Variants in RMC1 observed in about 807,000 individuals in gnomAD.
RMC1 encodes regulator of MON1-CCZ1 complex.
Under a neutral mutation model 95.5 loss-of-function variants are expected in RMC1, and 44 were observed. The ratio of observed to expected loss-of-function variants is 0.46; its 90% CI spans 0.36 to 0.59. The LOEUF (loss-of-function observed/expected upper bound fraction) is 0.59. Among genes scored for constraint, RMC1 ranks in the 20% least tolerant of loss-of-function variants. The pLI, the probability that RMC1 is intolerant of heterozygous loss-of-function variation, is 0.00. For synonymous variants in RMC1, 320 were observed against 303.6 expected (o/e 1.05, Z -0.56); for missense variants, 705 against 819.6 (o/e 0.86, Z 1.71).
At chr18:23,516,052 G>C in intron 6 of RMC1, 56 bp downstream of exon 6, 1 of 1,610,936 alleles carries the variant, frequency 6.2e-7, no homozygotes, top group Non-Finnish European at 8.5e-7. Context: ...CCCTGTTCCT[G>C]TAGCATCCTA....
chr18:23,509,356 AAT>A (rs10688887), intron 5 of RMC1, 77 bp downstream of exon 5: 9,188 of 412,764 alleles, frequency 0.022, no homozygotes, highest in Non-Finnish European at 0.026. Flanking sequence ...TTCAGTACTG[AAT>A]ATATATATAT....
chr18:23,505,285 T>A (rs1214888817), intron 2 of RMC1, among the ~76,000 whole-genome samples: 1 of 152,122 alleles, frequency 6.6e-6, no homozygotes, highest in African/African-American at 2.4e-5. Context: ...GGTTTCGAAC[T>A]CCTGACCTCA....
chr18:23,509,142 A>T (rs2068193462), intron 4 of RMC1, 51 bp from the exon 5 acceptor site: 1 of 628,648 alleles, frequency 1.6e-6, no homozygotes, highest in Non-Finnish European at 2.4e-6. Context: ...GAAGAGAGTT[A>T]TATGTGTTTT....
At chr18:23,517,548 T>C (rs1463582975) in intron 7 of RMC1, among the ~76,000 whole-genome samples, 1 of 152,220 alleles carries the variant, frequency 6.6e-6, no homozygotes, top group Non-Finnish European at 1.5e-5. Flanking sequence ...AAAGAACCCC[T>C]GTATGCCTGT....
chr18:23,529,892 C>A, intron 16 of RMC1, 136 bp from the exon 17 acceptor site: 1 of 1,059,756 alleles, frequency 9.4e-7, no homozygotes, highest in Non-Finnish European at 1.4e-6. Context: ...GGGGTCTTTA[C>A]CTGCATGACG....
intron 5 of RMC1, chr18:23,509,612 G>T: frequency 6.6e-6 from 1 of 150,888 alleles, no homozygotes; most frequent in Non-Finnish European, 1.5e-5. Flanking sequence ...CAGGCTGGTG[G>T]AGTGCAATGG....
intron 12 of RMC1, among the ~76,000 whole-genome samples, chr18:23,526,361 C>T (rs2058297573): frequency 6.6e-6 from 1 of 152,208 alleles, no homozygotes; most frequent in Non-Finnish European, 1.5e-5. Context: ...CTAGGAGCTA[C>T]ACCTTTGATG....
Position 23,526,751 on chromosome 18 carries a change from C to G in RMC1, c.1175C>G (p.Ser392Cys), listed in dbSNP as rs2058309037. 1 of 1,614,050 alleles carries G rather than the reference C, an allele frequency of 6.2e-7. No individual in the cohort carries two copies. Among genetic ancestry groups the G allele is most frequent in the African/African-American group, 1.3e-5 (1 of 75,048 alleles). The stretch of plus-strand genomic sequence containing the variant: ...AAGGAATGCAAGATGGTCATCCTGT[C>G]TGTCTGTTCACAGAGTAAGTTGAAT... The part of the protein sequence containing the change: ...QRKECKMVIL[S>C]VCSQMLSESD... The change falls in exon 13 of 20, where the codon TCT (serine) becomes TGT (cysteine). Residue 392 changes from serine to cysteine, a missense_variant. Ser to Cys is a moderately radical substitution (Grantham distance 112, BLOSUM62 -1). Transcript: ENST00000269221.
intron 16 of RMC1, 52 bp downstream of exon 16, chr18:23,529,764 A>AC (rs1438853543): frequency 6.5e-7 from 1 of 1,528,266 alleles, no homozygotes; most frequent in South Asian, 1.1e-5. Flanking sequence ...TTTAAAAAAA[A>AC]AACACAGTCA....
rs2058396498 is a variant in RMC1, at chr18:23,529,015, G to A, written c.1297-164G>A. On this transcript the variant is annotated intron_variant, in intron 14 of 19. Transcript: ENST00000269221. ...CTGCCTCAGCCTCCTGAGTAGCTGG[G>A]ATTACAGGCATGCGCACAGGAAAAA... 1.4e-5 allele frequency: 16 copies of A among 1,136,672 alleles called. No homozygotes were observed. The East Asian group carries it at 4.0e-4, about 28-fold the overall frequency. 70.4% of individuals were successfully genotyped at this position (1,136,672 alleles called of 1,614,324 possible).
At chr18:23,531,514 A>AT in intron 19 of RMC1, 111 bp from the exon 20 acceptor site, 1 of 1,505,668 alleles carries the variant, frequency 6.6e-7, no homozygotes, top group Non-Finnish European at 8.8e-7. Flanking sequence ...AAAACAATGT[A>AT]TTTTATTAAA....
At chr18:23,517,222 T>G (rs1305739355) in intron 7 of RMC1, among the ~76,000 whole-genome samples, 1 of 152,060 alleles carries the variant, frequency 6.6e-6, no homozygotes, top group Admixed American at 6.5e-5. Context: ...CGATCTTGGC[T>G]CACTGCAACC....
chr18:23,506,774 A>C (rs1469411578), intron 2 of RMC1, 196 bp from the exon 3 acceptor site: 6 of 475,980 alleles, frequency 1.3e-5, no homozygotes, highest in Non-Finnish European at 2.3e-5. Flanking sequence ...TAATACTGTA[A>C]GTTTCCCAGC....
At position 23,529,872 on chromosome 18, in the gene RMC1, A is replaced by AC. The variant is rs2058437430; in HGVS notation, c.1495-156_1495-155insC. On this transcript the variant is annotated intron_variant, in intron 16 of 19. Transcript: ENST00000269221. ...ATTATTAGTTGGAATGGGAAGTGTAAGGTCAAGTTGGGGTCTTTACCTGCA... is the reference window on the plus strand; with the variant it reads ...ATTATTAGTTGGAATGGGAAGTGTAACGGTCAAGTTGGGGTCTTTACCTGCA... The AC allele has an allele frequency of 9.6e-6, 10 of 1,040,620 alleles. No individual in the cohort carries two copies. The Admixed American group carries it at 1.8e-4, about 19-fold the overall frequency. 64.5% of individuals were successfully genotyped at this position (1,040,620 alleles called of 1,614,324 possible). A position where few individuals can be genotyped will look rare whatever the true frequency, so the allele number is the denominator to read the frequency against.
rs1346087368 is a variant in RMC1 at position 23,503,564 on chromosome 18, C to T, written c.-55C>T. ...TCCGGGCCGGGCTCCACCGCGCATC[C>T]TGCTCCACTCTGGCGACCGCCCCCG... On this transcript the variant is annotated 5_prime_UTR_variant, in exon 1 of 20. Transcript: ENST00000269221. The T allele has an allele frequency of 2.2e-6, 3 of 1,369,320 alleles. No homozygotes were observed. The South Asian group carries it at 3.9e-5, about 18-fold the overall frequency. The allele number at this position is 1,369,320 out of a possible 1,614,324, so 84.8% of individuals were successfully genotyped here.
chr18:23,526,879 A>G lies in RMC1; in HGVS notation c.1189+114A>G, dbSNP rs2058313105. 2.9e-6 allele frequency: 4 copies of G among 1,390,770 alleles called. No individual in the cohort carries two copies. In the Admixed American group the frequency reaches 9.1e-5, roughly 31 times the overall value. The allele number at this position is 1,390,770 out of a possible 1,614,324, so 86.2% of individuals were successfully genotyped here. A position where few individuals can be genotyped will look rare whatever the true frequency, so the allele number is the denominator to read the frequency against. On this transcript the variant is annotated intron_variant, in intron 13 of 19. Transcript: ENST00000269221. The stretch of plus-strand genomic sequence containing the variant: ...TGTCTTGTCTGTGACCCACAGCCTC[A>G]TTCTTTATGTGAGGGGTGGCTATGT...
At chr18:23,518,410 C>G (rs1332173332) in intron 7 of RMC1, among the ~76,000 whole-genome samples, 7 of 152,016 alleles carry the variant, frequency 4.6e-5, no homozygotes, top group Non-Finnish European at 8.8e-5. Context: ...GGGAAGATCG[C>G]CAAAGCCTAG....
At chr18:23,516,751 A>T in intron 7 of RMC1, among the ~76,000 whole-genome samples, 2 of 143,580 alleles carry the variant, frequency 1.4e-5, no homozygotes, top group Admixed American at 7.0e-5. Context: ...TTCGAGACAG[A>T]GTCTTGTTCT....
intron 4 of RMC1, among the ~76,000 whole-genome samples, 165 bp downstream of exon 4, chr18:23,508,206 C>A (rs560180374): frequency 2.8e-4 from 43 of 152,266 alleles, no homozygotes; most frequent in African/African-American, 8.7e-4. Flanking sequence ...CTTTGTGACA[C>A]TGAACAGTTT....
Sources: gnomAD v4.1 joint callset for allele counts (sites outside exome capture counted in the v4.1 genomes callset) on GRCh38, gnomAD v4.1.1 for gene constraint, MANE v1.5 for transcripts, NCBI Gene and HGNC (gene_info 2026-07-23, HGNC 2026-07-21) for gene names.